UMODL1: variants seen among roughly 807,000 people sequenced by gnomAD.
UMODL1 encodes uromodulin-like 1.
UMODL1 carries 128 observed loss-of-function variants against 136.3 expected under a neutral mutation model. The observed-to-expected ratio is 0.94, with a 90% CI of 0.81 to 1.09. The LOEUF is 1.09. Among genes scored for constraint, UMODL1 ranks in the 50% least tolerant of loss-of-function variants. UMODL1 has a pLI of 0.00. For missense variants in UMODL1, 1,766 were observed against 1,725.6 expected, an observed-to-expected ratio of 1.02 and a Z score of -0.41; for synonymous variants, 721 against 720.0, an observed-to-expected ratio of 1.00 and a Z score of -0.02.
rs188813649 is a variant in UMODL1, at chr21:42,116,845, G to T, written c.2475+860G>T. The stretch of plus-strand genomic sequence containing the variant: ...AATCCTAGCACTTTGGGAGGCTGAG[G>T]TGGGTGGATCGCCTGAGGTCAGGAG... On this transcript the variant is annotated intron_variant, in intron 14 of 22. Transcript: ENST00000408910. Among the ~76,000 whole-genome samples, 9 of 152,310 alleles carry T rather than the reference G, an allele frequency of 5.9e-5. 1 individual carries two copies. The highest frequency in any genetic ancestry group is 3.4e-3 in the Middle Eastern group (1 of 294).
In UMODL1 at chr21:42,111,598, C is replaced by T. The variant is rs1031431118; in HGVS notation, c.1992C>T (p.Thr664=). The T allele has an allele frequency of 6.2e-7, 1 of 1,614,152 alleles. No individual in the cohort carries two copies. ...TCCTGTGGCATGCCACCCGTTCCAC[C>T]CGGGAAACACTTCTGAATCCCACGT... ...GHFLWHATRS[T]RETLLNPTWL... The change falls in exon 12 of 23, where the codon ACC becomes ACT. Residue 664 remains threonine (T), a synonymous_variant. Transcript: ENST00000408910.
chr21:42,070,215 G>A (rs1453010106), upstream of UMODL1, among the ~76,000 whole-genome samples: 2 of 152,178 alleles, frequency 1.3e-5, no homozygotes, highest in African/African-American at 4.8e-5. Context: ...TTATGCTCCC[G>A]AACCATGCAG....
At chr21:42,136,581 G>A (rs220172) in intron 21 of UMODL1, among the ~76,000 whole-genome samples, 30,177 of 152,042 alleles carry the variant, frequency 0.2, 3,160 homozygotes, top group East Asian at 0.33. Context: ...TGCACGGTGG[G>A]GCCACAATGT....
intron 14 of UMODL1, among the ~76,000 whole-genome samples, chr21:42,118,191 A>G (rs1460658927): frequency 6.6e-6 from 1 of 152,232 alleles, no homozygotes; most frequent in African/African-American, 2.4e-5. Flanking sequence ...GATTCCTCTG[A>G]GAGAAAGAGA....
intron 6 of UMODL1, chr21:42,093,508 C>T (rs531929377): frequency 2.6e-4 from 44 of 167,164 alleles, no homozygotes; most frequent in Non-Finnish European, 2.1e-4. Context: ...CAGGAGACCC[C>T]GTGTTCAGCC....
At chr21:42,111,284 C>A (rs1272566395) in intron 11 of UMODL1, 163 bp downstream of exon 11, 1 of 1,385,106 alleles carries the variant, frequency 7.2e-7, no homozygotes, top group Non-Finnish European at 9.6e-7. Flanking sequence ...CCAGGTGAAC[C>A]CCAGCCAGCG....
intron 7 of UMODL1, chr21:42,101,881 G>A (rs1262180931): frequency 2.5e-6 from 1 of 396,328 alleles, no homozygotes; most frequent in African/African-American, 2.1e-5. Context: ...CACCCCACGG[G>A]AAAGGACCCT....
Position 42,099,195 on chromosome 21 carries a change from C to A in UMODL1, c.1186+15C>A. 2 of 1,607,712 alleles carry A rather than the reference C, an allele frequency of 1.2e-6. No homozygotes were observed. Among genetic ancestry groups the A allele is most frequent in the South Asian group, 2.2e-5 (2 of 90,846 alleles). On this transcript the variant is annotated intron_variant, in intron 7 of 22. Transcript: ENST00000408910. The surrounding 1 kb of genome is among the most constrained non-coding windows in gnomAD (Gnocchi z 4.1). ...CATCAAAACCAGTAAGGCCCCCAGT[C>A]AGAGACCCACGTTAGCTTGCGAGCT...
intron 6 of UMODL1, among the ~76,000 whole-genome samples, chr21:42,096,787 C>G (rs2066563381): frequency 6.6e-6 from 1 of 152,210 alleles, no homozygotes; most frequent in African/African-American, 2.4e-5. Flanking sequence ...TGCTGTCACA[C>G]CATCCTCCAC....
intron 6 of UMODL1, among the ~76,000 whole-genome samples, chr21:42,092,572 C>T (rs187757169): frequency 6.6e-6 from 1 of 152,318 alleles, no homozygotes; most frequent in East Asian, 1.9e-4. Context: ...TTTCCCCTCA[C>T]GGGAGCACTT....
intron 2 of UMODL1, among the ~76,000 whole-genome samples, chr21:42,083,728 TATTG>T (rs1183906279): frequency 3.9e-5 from 6 of 152,156 alleles, no homozygotes; most frequent in Non-Finnish European, 7.3e-5. Context: ...GCTCAACAAA[TATTG>T]AATGAATGAA....
chr21:42,069,637 T>C (rs1310009627), upstream of UMODL1, among the ~76,000 whole-genome samples: 2 of 152,182 alleles, frequency 1.3e-5, no homozygotes, highest in African/African-American at 4.8e-5. Context: ...ACCTATTTCA[T>C]AGGGCAATCG....
At chr21:42,108,590 G>A (rs2066758163) in intron 9 of UMODL1, 2 of 345,012 alleles carry the variant, frequency 5.8e-6, no homozygotes, top group African/African-American at 4.3e-5. Flanking sequence ...TCTCTGGCAT[G>A]CCGGGTGTGG....
At chr21:42,133,945 G>A (rs2067168448) in intron 21 of UMODL1, among the ~76,000 whole-genome samples, 2 of 147,214 alleles carry the variant, frequency 1.4e-5, no homozygotes, top group African/African-American at 2.5e-5. Context: ...TTGAGACAGA[G>A]TCTCACTCTA....
At chr21:42,109,092 C>T (rs543097925) in intron 9 of UMODL1, among the ~76,000 whole-genome samples, 2 of 141,238 alleles carry the variant, frequency 1.4e-5, no homozygotes, top group East Asian at 2.1e-4. Flanking sequence ...CCCCCACCCC[C>T]GGCGTGGAAA....
Position 42,111,552 on chromosome 21 carries a change from C to T in UMODL1, c.1946C>T (p.Thr649Ile). The stretch of plus-strand genomic sequence containing the variant: ...GAGCCACCCTCCTGGCCTTCCCCTA[C>T]TGAGGACCCCACCGGCCACTTCCTG... ...IMEPPSWPSP[T>I]EDPTGHFLWH... Residue 649 changes from threonine to isoleucine, a missense_variant, in exon 12 of 23, where the codon ACT becomes ATT. Transcript: ENST00000408910. The T allele has an allele frequency of 6.2e-7, 1 of 1,614,130 alleles. No homozygotes were observed. The highest frequency in any genetic ancestry group is 1.1e-5 in the South Asian group (1 of 91,090).
chr21:42,084,302 C>CCTGAT (rs2146438736), intron 3 of UMODL1, 57 bp downstream of exon 3: 1 of 1,580,866 alleles, frequency 6.3e-7, no homozygotes, highest in East Asian at 2.2e-5. Flanking sequence ...CTCGGTGAGG[C>CCTGAT]CTGATCTGTG....
chr21:42,140,099 AGTT>A (rs1039396046), intron 22 of UMODL1, among the ~76,000 whole-genome samples: 90 of 152,228 alleles, frequency 5.9e-4, no homozygotes, highest in African/African-American at 2.0e-3. Context: ...CACTTTGCTG[AGTT>A]GTTTCAAAAA....
intron 12 of UMODL1, among the ~76,000 whole-genome samples, chr21:42,112,488 A>T (rs220135): frequency 0.45 from 67,595 of 149,330 alleles, 16,442 homozygotes; most frequent in Non-Finnish European, 0.54. Flanking sequence ...GCTGCTCTGT[A>T]TCTGTCCAGC....
Sources: allele counts gnomAD v4.1 joint callset (sites outside exome capture counted in the v4.1 genomes callset), GRCh38; gene constraint gnomAD v4.1.1; non-coding constraint Gnocchi (gnomAD v3.1); transcripts MANE v1.5; gene names NCBI Gene and HGNC (gene_info 2026-07-23, HGNC 2026-07-21).